Variants in ADARB2 observed in about 807,000 individuals in gnomAD.
ADARB2 encodes the protein inactive double-stranded RNA-specific editase B2.
In ADARB2, 25 loss-of-function variants were observed where a neutral mutation model predicts 62.2. The observed-to-expected ratio is 0.40, with a 90% CI of 0.29 to 0.56. ADARB2 has a LOEUF of 0.56. Ranked by LOEUF, ADARB2 falls within the 20% of genes least tolerant of loss-of-function variation. The pLI is 0.43. For missense variants in ADARB2, 1,071 were observed against 1,077.4 expected (o/e 0.99, Z 0.08); for synonymous variants, 572 against 500.8 (o/e 1.14, Z -1.90).
intron 1 of ADARB2, among the ~76,000 whole-genome samples, chr10:1,463,488 C>T (rs1374294272): frequency 1.2e-4 from 18 of 152,152 alleles, no homozygotes; most frequent in South Asian, 6.2e-4. Flanking sequence ...GTGGTTAACC[C>T]GGGCTTAAGA....
At chr10:1,548,915 T>C (rs1055331968) in intron 1 of ADARB2, among the ~76,000 whole-genome samples, 1 of 152,080 alleles carries the variant, frequency 6.6e-6, no homozygotes, top group Non-Finnish European at 1.5e-5. Flanking sequence ...GAGGCAGGCC[T>C]GGCAGGAATG....
At position 1,255,406 on chromosome 10, in the gene ADARB2, C is replaced by T. The variant is rs970287772; in HGVS notation, c.1193-13107G>A. 4.6e-5 allele frequency among the ~76,000 whole-genome samples: 7 copies of T among 152,240 alleles called. No homozygotes were observed. The highest frequency in any genetic ancestry group is 1.7e-4 in the African/African-American group (7 of 41,464). On this transcript the variant is annotated intron_variant, in intron 4 of 9. Transcript: ENST00000381312. This position sits in a 1 kb window ranked among gnomAD's most constrained non-coding sequence, Gnocchi z 4.7. ...CACATGTGAGCGCTGGGTCTACACA[C>T]TAATCAAACATGCTGCTCACTCCAC...
At chr10:1,589,382 C>A (rs1833219941) in intron 1 of ADARB2, among the ~76,000 whole-genome samples, 2 of 151,756 alleles carry the variant, frequency 1.3e-5, no homozygotes, top group Admixed American at 6.6e-5. Context: ...GTTGGGGCAT[C>A]CATGGTCAAG....
At chr10:1,293,616 CTAAT>C (rs1418312640) in intron 3 of ADARB2, among the ~76,000 whole-genome samples, 3 of 152,168 alleles carry the variant, frequency 2.0e-5, no homozygotes, top group African/African-American at 7.2e-5. Flanking sequence ...AAAACCAAAA[CTAAT>C]TTATTTTTTG....
chr10:1,635,358 A>AGGTGCACG (rs1833906411), intron 1 of ADARB2, among the ~76,000 whole-genome samples: 1 of 152,226 alleles, frequency 6.6e-6, no homozygotes, highest in Non-Finnish European at 1.5e-5. Context: ...CAGTCCTGGC[A>AGGTGCACG]GGTGCACGTC....
At chr10:1,362,717 G>C (rs895433959) in intron 3 of ADARB2, among the ~76,000 whole-genome samples, 1 of 152,196 alleles carries the variant, frequency 6.6e-6, no homozygotes, top group African/African-American at 2.4e-5. Context: ...CCTACGCGTG[G>C]AGACCCAGTC....
intron 3 of ADARB2, among the ~76,000 whole-genome samples, chr10:1,314,835 T>A (rs1307926130): frequency 6.6e-6 from 1 of 152,190 alleles, no homozygotes; most frequent in Non-Finnish European, 1.5e-5. Context: ...GCACCTGGGC[T>A]GCTCTGAACA....
At chr10:1,318,005 C>T (rs1251361933) in intron 3 of ADARB2, among the ~76,000 whole-genome samples, 2 of 152,200 alleles carry the variant, frequency 1.3e-5, no homozygotes, top group African/African-American at 4.8e-5. Context: ...TCTATAAAAA[C>T]ACTAACATTA....
intron 3 of ADARB2, among the ~76,000 whole-genome samples, chr10:1,303,925 A>G (rs1272517093): frequency 2.6e-5 from 4 of 152,208 alleles, no homozygotes; most frequent in Non-Finnish European, 5.9e-5. Flanking sequence ...AAATCATGCC[A>G]AAATGTAAAG....
rs71379148 is a variant in ADARB2 at position 1,568,800 on chromosome 10, CTCTATCTA to C, written c.100+168243_100+168250del. Among the ~76,000 whole-genome samples the C allele has an allele frequency of 5.8e-3, 857 of 148,566 alleles. 5 individuals are homozygous for C. Among genetic ancestry groups the C allele is most frequent in the African/African-American group, 9.6e-3 (385 of 40,146 alleles). Reference sequence around the variant, plus strand: ...TGTGCATATATCTATATGTCTCTATCTCTATCTATCTATCTATCTATCTATCTATCTAT... The same window carrying C: ...TGTGCATATATCTATATGTCTCTATCTCTATCTATCTATCTATCTATCTAT... On this transcript the variant is annotated intron_variant, in intron 1 of 9. Transcript: ENST00000381312.
chr10:1,584,107 G>A (rs1400297690), intron 1 of ADARB2, among the ~76,000 whole-genome samples: 1 of 152,076 alleles, frequency 6.6e-6, no homozygotes, highest in Non-Finnish European at 1.5e-5. Flanking sequence ...CGACACCCAA[G>A]AAACAATCCA....
At chr10:1,468,283 G>C (rs1831277664) in intron 1 of ADARB2, among the ~76,000 whole-genome samples, 1 of 152,210 alleles carries the variant, frequency 6.6e-6, no homozygotes, top group Non-Finnish European at 1.5e-5. Flanking sequence ...GTGGGGTGTT[G>C]CTGGCTGCCT....
intron 1 of ADARB2, among the ~76,000 whole-genome samples, chr10:1,689,376 T>C (rs994891451): frequency 1.3e-5 from 2 of 152,190 alleles, no homozygotes; most frequent in African/African-American, 2.4e-5. Flanking sequence ...CTTATCTGCT[T>C]CCTCTGTTTC....
chr10:1,213,196 CAAAG>C (rs143035910), intron 7 of ADARB2, among the ~76,000 whole-genome samples: 2,567 of 151,664 alleles, frequency 0.017, 27 homozygotes, highest in Non-Finnish European at 0.028. Flanking sequence ...GATAAAAAGA[CAAAG>C]AGAGACAGAG....
At chr10:1,654,476 C>T (rs7091771) in intron 1 of ADARB2, among the ~76,000 whole-genome samples, 34,354 of 152,050 alleles carry the variant, frequency 0.23, 4,265 homozygotes, top group Middle Eastern at 0.31. Flanking sequence ...AATCCCCTTC[C>T]GGCGTGGTGG....
At chr10:1,560,602 G>A (rs1832773477) in intron 1 of ADARB2, among the ~76,000 whole-genome samples, 1 of 28,438 alleles carries the variant, frequency 3.5e-5, no homozygotes, top group African/African-American at 5.2e-5. Flanking sequence ...GGATTGGAGA[G>A]TTCTCCAGCA....
intron 4 of ADARB2, among the ~76,000 whole-genome samples, chr10:1,262,173 G>A (rs1354117564): frequency 1.4e-5 from 2 of 143,370 alleles, no homozygotes; most frequent in Middle Eastern, 3.5e-3. Context: ...GGATAGCATT[G>A]GGAGATATAC....
intron 1 of ADARB2, among the ~76,000 whole-genome samples, chr10:1,548,586 A>G (rs1038518829): frequency 3.9e-5 from 6 of 152,342 alleles, no homozygotes; most frequent in African/African-American, 1.4e-4. Flanking sequence ...GGGTGAATAA[A>G]GTCTCACTAG....
intron 1 of ADARB2, among the ~76,000 whole-genome samples, chr10:1,570,955 A>G (rs949452760): frequency 6.6e-6 from 1 of 152,200 alleles, no homozygotes; most frequent in African/African-American, 2.4e-5. Context: ...TGGGGAACTC[A>G]GGGCAAACAC....
Sources: gnomAD v4.1 joint callset for allele counts (sites outside exome capture counted in the v4.1 genomes callset) on GRCh38, gnomAD v4.1.1 for gene constraint, Gnocchi (gnomAD v3.1) non-coding constraint, MANE v1.5 for transcripts, NCBI Gene and HGNC (gene_info 2026-07-23, HGNC 2026-07-21) for gene names.